CAPN13: variants seen among roughly 807,000 people sequenced by gnomAD.
The protein encoded by CAPN13 is calpain-13.
In CAPN13, 90 loss-of-function variants were observed where a neutral mutation model predicts 98.4. The observed-to-expected ratio is 0.92, with a 90% CI of 0.77 to 1.09. The LOEUF (loss-of-function observed/expected upper bound fraction) is 1.09. CAPN13 is among the 50% of genes least tolerant of loss of function. The probability of loss-of-function intolerance (pLI) is 0.00; values close to 1 mark genes in which losing one functional copy is unlikely to be tolerated. For synonymous variants in CAPN13, 330 were observed against 305.5 expected, an observed-to-expected ratio of 1.08 and a Z score of -0.84; for missense variants, 887 against 841.3, an observed-to-expected ratio of 1.05 and a Z score of -0.67.
At chr2:30,802,545 G>C (rs201226598) in intron 1 of CAPN13, among the ~76,000 whole-genome samples, 11 of 99,744 alleles carry the variant, frequency 1.1e-4, no homozygotes, top group African/African-American at 3.0e-4. Flanking sequence ...GGCAGGCTGG[G>C]GGGGGGGGGT....
At chr2:30,730,054 C>T (rs1320824613) in intron 22 of CAPN13, among the ~76,000 whole-genome samples, 3 of 152,154 alleles carry the variant, frequency 2.0e-5, no homozygotes, top group African/African-American at 7.2e-5. Context: ...AGATGATTGC[C>T]TCTAGCTAAG....
At chr2:30,725,004 T>C (rs1054753529) in intron 22 of CAPN13, among the ~76,000 whole-genome samples, 9 of 152,158 alleles carry the variant, frequency 5.9e-5, no homozygotes, top group Non-Finnish European at 1.5e-5. Flanking sequence ...AGAAACTGTA[T>C]TTTTATACAG....
intron 17 of CAPN13, 69 bp from the exon 18 acceptor site, chr2:30,736,640 A>G (rs1671381872): frequency 7.0e-7 from 1 of 1,423,248 alleles, no homozygotes; most frequent in African/African-American, 1.4e-5. Flanking sequence ...CTGCCAACAA[A>G]GCCAGAGCAG....
chr2:30,733,334 T>TCTCCTGCTTACCAC (rs58789902), intron 19 of CAPN13, among the ~76,000 whole-genome samples: 20 of 151,816 alleles, frequency 1.3e-4, no homozygotes, highest in African/African-American at 4.4e-4. Context: ...AGCCAGGTCC[T>TCTCCTGCTTACCAC]GTTCTCAGTC....
intron 1 of CAPN13, among the ~76,000 whole-genome samples, chr2:30,790,737 G>A (rs1478647000): frequency 6.6e-6 from 1 of 152,192 alleles, no homozygotes; most frequent in Non-Finnish European, 1.5e-5. Flanking sequence ...TGATGACCTT[G>A]AGCAGTAGGA....
At chr2:30,761,996 G>C (rs1039436134) in intron 7 of CAPN13, among the ~76,000 whole-genome samples, 2 of 152,170 alleles carry the variant, frequency 1.3e-5, no homozygotes, top group African/African-American at 4.8e-5. Context: ...TTGGAACTTG[G>C]TCTCTCAGGG....
intron 22 of CAPN13, among the ~76,000 whole-genome samples, chr2:30,723,645 C>A (rs2103475402): frequency 6.6e-6 from 1 of 152,268 alleles, no homozygotes; most frequent in Non-Finnish European, 1.5e-5. Context: ...CTGTCCCATC[C>A]AAGCTCCAGA....
At chr2:30,771,041 T>A (rs1236664649) in intron 4 of CAPN13, among the ~76,000 whole-genome samples, 1 of 152,180 alleles carries the variant, frequency 6.6e-6, no homozygotes, top group African/African-American at 2.4e-5. Context: ...TCTTCTTCCA[T>A]CAAGCTGGCC....
At chr2:30,736,702 C>A in intron 17 of CAPN13, 131 bp from the exon 18 acceptor site, 1 of 782,584 alleles carries the variant, frequency 1.3e-6, no homozygotes, top group South Asian at 1.6e-5. Flanking sequence ...GGATGTGGCC[C>A]CATGCCAGCT....
chr2:30,740,055 G>A (rs572147246), intron 15 of CAPN13, among the ~76,000 whole-genome samples: 100 of 151,154 alleles, frequency 6.6e-4, no homozygotes, highest in African/African-American at 2.4e-3. Context: ...AGGAAGAACC[G>A]GTGGTAGTAT....
At chr2:30,795,983 C>A (rs796939944) in intron 1 of CAPN13, among the ~76,000 whole-genome samples, 6 of 151,540 alleles carry the variant, frequency 4.0e-5, no homozygotes, top group Admixed American at 6.6e-5. Context: ...CTGAAATAGA[C>A]TTGCAGAGAA....
At chr2:30,794,003 G>A (rs1199411747) in intron 1 of CAPN13, among the ~76,000 whole-genome samples, 1 of 151,568 alleles carries the variant, frequency 6.6e-6, no homozygotes, top group Non-Finnish European at 1.5e-5. Flanking sequence ...CAAACTTGGG[G>A]TAGGTAAATG....
At chr2:30,745,679 A>G (rs1488969614) in intron 12 of CAPN13, 44 bp downstream of exon 12, 4 of 1,593,240 alleles carry the variant, frequency 2.5e-6, no homozygotes, top group Non-Finnish European at 3.4e-6. Context: ...CTCCACCAGC[A>G]GACAGCAGCA....
chr2:30,754,255 G>T (rs1379671615), intron 9 of CAPN13, 35 bp downstream of exon 9: 1 of 1,526,656 alleles, frequency 6.6e-7, no homozygotes, highest in Non-Finnish European at 8.9e-7. Context: ...GGCAATAAAA[G>T]ATTTAAAACA....
In CAPN13 at chr2:30,743,487, C is replaced by T. The variant is rs146046431; in HGVS notation, c.1341G>A (p.Met447Ile). The change falls in exon 13 of 23, where the codon ATG (methionine) becomes ATA (isoleucine). Residue 447 changes from methionine (M) to isoleucine (I), a missense_variant. By Grantham distance (10) the Met-to-Ile change is conservative (BLOSUM62 1). Transcript: ENST00000295055. Reference sequence around the variant, plus strand: ...AGTTCCCAGGGCTCAGATGGTAAGTCATGGTGAAGTTGCGGCGGAATTTAT... The same window carrying T: ...AGTTCCCAGGGCTCAGATGGTAAGTTATGGTGAAGTTGCGGCGGAATTTAT... Reference protein sequence around the residue: ...SNNKFRRNFTMTYHLSPGNYV... With the variant: ...SNNKFRRNFTITYHLSPGNYV... 7.4e-6 allele frequency: 12 copies of T among 1,613,968 alleles called. No homozygotes were observed. The African/African-American group carries it at 1.3e-4, about 18-fold the overall frequency.
chr2:30,753,495 G>A (rs1439278090), intron 9 of CAPN13, among the ~76,000 whole-genome samples: 2 of 152,166 alleles, frequency 1.3e-5, no homozygotes, highest in African/African-American at 2.4e-5. Flanking sequence ...TCAGTGGGAC[G>A]ACGGCCAGTC....
At chr2:30,754,166 C>T in intron 9 of CAPN13, 124 bp downstream of exon 9, 1 of 614,282 alleles carries the variant, frequency 1.6e-6, no homozygotes, top group Non-Finnish European at 2.5e-6. Context: ...AGAAAATAGG[C>T]TCCCTCTAAA....
At chr2:30,725,579 C>T (rs1396822780) in intron 22 of CAPN13, among the ~76,000 whole-genome samples, 1 of 152,218 alleles carries the variant, frequency 6.6e-6, no homozygotes, top group Non-Finnish European at 1.5e-5. Flanking sequence ...ACCCTCATCT[C>T]TGGGAGAAGC....
At chr2:30,758,798 T>TCCTCCCTCCCTTCCCTTCCTCCCTC (rs1672614247) in intron 7 of CAPN13, among the ~76,000 whole-genome samples, 1 of 70,668 alleles carries the variant, frequency 1.4e-5, no homozygotes, top group Non-Finnish European at 2.6e-5. Flanking sequence ...TTCCTTTCCT[T>TCCTCCCTCCCTTCCCTTCCTCCCTC]CCTCCCTCCC....
Sources: allele counts gnomAD v4.1 joint callset (sites outside exome capture counted in the v4.1 genomes callset), GRCh38; gene constraint gnomAD v4.1.1; transcripts MANE v1.5; gene names NCBI Gene and HGNC (gene_info 2026-07-23, HGNC 2026-07-21).